CFAP299: variants seen among roughly 807,000 people sequenced by gnomAD.
CFAP299 encodes cilia and flagella associated protein 299.
CFAP299 carries 21 observed loss-of-function variants against 27.0 expected under a neutral mutation model. The ratio of observed to expected loss-of-function variants is 0.78; its 90% CI spans 0.55 to 1.12. CFAP299 has a LOEUF of 1.12. CFAP299 is among the 50% of genes most tolerant of loss of function. The pLI is 0.00. For synonymous variants in CFAP299, 104 were observed against 98.1 expected (o/e 1.06, Z -0.36); for missense variants, 310 against 276.6 (o/e 1.12, Z -0.86).
In CFAP299 at chr4:80,725,111, A is replaced by ATTTTTTTTTTTTT. The variant is rs70956062; in HGVS notation, c.333+141941_333+141953dup. On this transcript the variant is annotated intron_variant, in intron 3 of 5. Transcript: ENST00000358105. ...AGGCATGCACCACCATGCCTGGCCA[A>ATTTTTTTTTTTTT]TTTTTTTTTTTTTTTTTTTTTTTTT... 1.1e-4 allele frequency among the ~76,000 whole-genome samples: 10 copies of ATTTTTTTTTTTTT among 88,516 alleles called. 1 individual carries two copies. Among genetic ancestry groups the ATTTTTTTTTTTTT allele is most frequent in the Admixed American group, 4.3e-4 (3 of 6,902 alleles). 58.1% of individuals were successfully genotyped at this position (88,516 alleles called of 152,430 possible).
At chr4:80,334,796 A>G (rs1396747827), upstream of CFAP299, among the ~76,000 whole-genome samples, 2 of 152,224 alleles carry the variant, frequency 1.3e-5, no homozygotes, top group East Asian at 3.8e-4. Context: ...AACTTTTTAA[A>G]TTAGGAAAGC....
In CFAP299 at chr4:80,362,874, GC is replaced by G; in HGVS notation, c.233del (p.Ala78ValfsTer6). On this transcript the variant is annotated frameshift_variant, in exon 2 of 6. Transcript: ENST00000358105. LOFTEE classifies it high-confidence loss of function. ...AIEIARLAER[A>X]QQKTLTSAGK... ...AGAGATTGCAAGACTGGCTGAAAGA[GC>G]TCAGCAAAAGTAAGTGTCCATGTTC... 1 of 1,606,460 alleles carries G rather than the reference GC, an allele frequency of 6.2e-7. No individual in the cohort carries two copies. Among genetic ancestry groups the G allele is most frequent in the Non-Finnish European group, 8.5e-7 (1 of 1,177,998 alleles).
chr4:80,390,937 ATATGTATG>A (rs1258959967), intron 2 of CFAP299, among the ~76,000 whole-genome samples: 15,699 of 41,002 alleles, frequency 0.38, 2,222 homozygotes, highest in South Asian at 0.51. Context: ...ATATATGTAT[ATATGTATG>A]TACACACATG....
chr4:80,583,064 T>A (rs565037474), intron 2 of CFAP299, 29 bp from the exon 3 acceptor site: 1 of 1,442,924 alleles, frequency 6.9e-7, no homozygotes, highest in Non-Finnish European at 9.6e-7. Context: ...TTATCTAATA[T>A]ATTATAACTG....
At chr4:80,886,643 T>C (rs1325877821) in intron 4 of CFAP299, among the ~76,000 whole-genome samples, 2 of 151,918 alleles carry the variant, frequency 1.3e-5, no homozygotes, top group Non-Finnish European at 2.9e-5. Context: ...AAGACAACAA[T>C]AAATAATTAA....
chr4:80,674,136 G>T (rs1719227014), intron 3 of CFAP299, among the ~76,000 whole-genome samples: 3 of 152,072 alleles, frequency 2.0e-5, no homozygotes, highest in African/African-American at 4.8e-5. Context: ...TTACAATTTG[G>T]CATGTTTTTG....
intron 3 of CFAP299, among the ~76,000 whole-genome samples, chr4:80,745,828 C>T (rs933499382): frequency 6.6e-6 from 1 of 152,074 alleles, no homozygotes. Context: ...CATAGTTTCT[C>T]AGACTTTCCT....
chr4:80,671,757 A>G (rs557771086), intron 3 of CFAP299, among the ~76,000 whole-genome samples: 239 of 152,288 alleles, frequency 1.6e-3, no homozygotes, highest in Non-Finnish European at 2.7e-3. Context: ...CTTTGAAGCC[A>G]CTGTGAATGG....
At chr4:80,857,430 T>A (rs2110154505) in intron 3 of CFAP299, among the ~76,000 whole-genome samples, 1 of 152,290 alleles carries the variant, frequency 6.6e-6, no homozygotes, top group South Asian at 2.1e-4. Context: ...TGGCCAGAAC[T>A]TCCAACACTA....
At chr4:80,488,791 C>A (rs939509235) in intron 2 of CFAP299, among the ~76,000 whole-genome samples, 5 of 152,168 alleles carry the variant, frequency 3.3e-5, no homozygotes, top group Admixed American at 3.3e-4. Context: ...CCACTCCTAA[C>A]TGAGTATGTT....
chr4:80,552,003 C>T (rs1734542886), intron 2 of CFAP299, among the ~76,000 whole-genome samples: 1 of 152,178 alleles, frequency 6.6e-6, no homozygotes, highest in Non-Finnish European at 1.5e-5. Context: ...CCCGCCTTGT[C>T]CTCCCAAAGT....
At chr4:80,523,466 G>T (rs1180363695) in intron 2 of CFAP299, among the ~76,000 whole-genome samples, 1 of 152,116 alleles carries the variant, frequency 6.6e-6, no homozygotes, top group Non-Finnish European at 1.5e-5. Flanking sequence ...ATATCAACTT[G>T]ATTGGGCTAA....
chr4:80,404,340 T>C (rs944474613), intron 2 of CFAP299, among the ~76,000 whole-genome samples: 11 of 152,178 alleles, frequency 7.2e-5, no homozygotes, highest in African/African-American at 2.2e-4. Flanking sequence ...TTCAGTGGTG[T>C]TAATTATACT....
At chr4:80,411,658 CA>C (rs1394005936) in intron 2 of CFAP299, among the ~76,000 whole-genome samples, 1 of 151,462 alleles carries the variant, frequency 6.6e-6, no homozygotes, top group Non-Finnish European at 1.5e-5. Flanking sequence ...ATTCTTTCAC[CA>C]TTTTTTTGTT....
intron 4 of CFAP299, among the ~76,000 whole-genome samples, chr4:80,935,483 A>G (rs1166882629): frequency 6.6e-6 from 1 of 151,244 alleles, no homozygotes; most frequent in African/African-American, 2.4e-5. Context: ...AGTATTCCCT[A>G]TTCAATAAAT....
intron 3 of CFAP299, among the ~76,000 whole-genome samples, chr4:80,648,744 C>G (rs1391116428): frequency 1.3e-5 from 2 of 152,214 alleles, no homozygotes; most frequent in South Asian, 2.1e-4. Flanking sequence ...ACAACAGCCT[C>G]ATTGTTTTAC....
rs150240624 is a variant in CFAP299 at position 80,490,075 on chromosome 4, G to A, written c.243-93018G>A. Reference sequence around the variant, plus strand: ...GCGACAGGAGGCTGAGACAACCCGCGTAAGTGACCAGCCAGCTGCTTCAGA... The same window carrying A: ...GCGACAGGAGGCTGAGACAACCCGCATAAGTGACCAGCCAGCTGCTTCAGA... On this transcript the variant is annotated intron_variant, in intron 2 of 5. Transcript: ENST00000358105. Among the ~76,000 whole-genome samples, 41 of 152,248 alleles carry A rather than the reference G, an allele frequency of 2.7e-4. No individual in the cohort carries two copies. In the East Asian group the frequency reaches 6.2e-3, roughly 23 times the overall value.
At chr4:80,775,798 A>G (rs1726503230) in intron 3 of CFAP299, among the ~76,000 whole-genome samples, 1 of 152,188 alleles carries the variant, frequency 6.6e-6, no homozygotes, top group South Asian at 2.1e-4. Context: ...AAATGGTTGT[A>G]AGAAGTGAGA....
At chr4:80,899,713 A>T (rs977303330) in intron 4 of CFAP299, among the ~76,000 whole-genome samples, 2 of 152,158 alleles carry the variant, frequency 1.3e-5, no homozygotes, top group Admixed American at 1.3e-4. Flanking sequence ...ACACGGTGGT[A>T]AAAAATGCAA....
Sources: allele counts gnomAD v4.1 joint callset (sites outside exome capture counted in the v4.1 genomes callset), GRCh38; gene constraint gnomAD v4.1.1; transcripts MANE v1.5; gene names NCBI Gene and HGNC (gene_info 2026-07-23, HGNC 2026-07-21).